Variants in LYPLAL1 observed in about 807,000 individuals in gnomAD.
LYPLAL1 encodes the protein lysophospholipase-like protein 1.
In LYPLAL1, 23 loss-of-function variants were observed where a neutral mutation model predicts 19.7. The observed-to-expected ratio is 1.17, with a 90% CI of 0.84 to 1.65. The LOEUF is 1.65. Ranked by LOEUF, LYPLAL1 falls within the 40% of genes most tolerant of loss-of-function variation. LYPLAL1 has a pLI of 0.00. For synonymous variants in LYPLAL1, 119 were observed against 96.3 expected (o/e 1.24, Z -1.38); for missense variants, 355 against 279.4 (o/e 1.27, Z -1.93).
chr1:219,372,116 T>C, the LYPLAL1 span, among the ~76,000 whole-genome samples: 1 of 152,130 alleles, frequency 6.6e-6, no homozygotes, highest in Admixed American at 6.5e-5. Flanking sequence ...TCACCTCACA[T>C]AGAAAATTTT....
chr1:219,174,186 G>A (rs1655610420), intron 1 of LYPLAL1: 3 of 1,418,772 alleles, frequency 2.1e-6, no homozygotes, highest in Non-Finnish European at 2.8e-6. Flanking sequence ...TCTATCGGGC[G>A]GTCACTGGTC....
At chr1:219,436,845 G>A in the LYPLAL1 span, among the ~76,000 whole-genome samples, 1 of 151,846 alleles carries the variant, frequency 6.6e-6, no homozygotes, top group Non-Finnish European at 1.5e-5. Flanking sequence ...GAACTTCTAG[G>A]GAGTCAAAAC....
At chr1:219,185,861 G>C (rs534299833) in intron 2 of LYPLAL1, among the ~76,000 whole-genome samples, 1 of 152,024 alleles carries the variant, frequency 6.6e-6, no homozygotes, top group African/African-American at 2.4e-5. Context: ...AAGAGAACCA[G>C]ACCTAAAGAC....
chr1:219,207,574 G>C (rs185428590), intron 3 of LYPLAL1, among the ~76,000 whole-genome samples: 1 of 152,010 alleles, frequency 6.6e-6, no homozygotes, highest in Non-Finnish European at 1.5e-5. Context: ...TTGTTCATTT[G>C]TTTAATAAGT....
the LYPLAL1 span, among the ~76,000 whole-genome samples, chr1:219,285,870 T>C: frequency 1.3e-5 from 2 of 152,198 alleles, no homozygotes. Context: ...CAATTTTACA[T>C]TGTAATATGT....
At chr1:219,408,557 T>TA in the LYPLAL1 span, among the ~76,000 whole-genome samples, 1 of 152,124 alleles carries the variant, frequency 6.6e-6, no homozygotes, top group Non-Finnish European at 1.5e-5. Context: ...AGTGGAGTGT[T>TA]TTATAAATAT....
the LYPLAL1 span, among the ~76,000 whole-genome samples, chr1:219,219,439 A>T: frequency 6.6e-6 from 1 of 152,218 alleles, no homozygotes; most frequent in Non-Finnish European, 1.5e-5. Flanking sequence ...AACACTTGTT[A>T]GGCCACCTCA....
At chr1:219,327,249 G>A in the LYPLAL1 span, among the ~76,000 whole-genome samples, 2 of 152,178 alleles carry the variant, frequency 1.3e-5, no homozygotes, top group African/African-American at 2.4e-5. Flanking sequence ...TGGGGTTATG[G>A]TGGAGAGCTG....
At chr1:219,321,649 C>G in the LYPLAL1 span, among the ~76,000 whole-genome samples, 1 of 152,002 alleles carries the variant, frequency 6.6e-6, no homozygotes, top group Non-Finnish European at 1.5e-5. Context: ...ATTTTAGTAG[C>G]ATGAAGACCC....
the LYPLAL1 span, among the ~76,000 whole-genome samples, chr1:219,376,020 C>T: frequency 3.3e-5 from 5 of 151,960 alleles, no homozygotes; most frequent in African/African-American, 1.2e-4. Context: ...GGATTACAGC[C>T]GTGAGCCACT....
At chr1:219,368,322 A>G in the LYPLAL1 span, among the ~76,000 whole-genome samples, 1 of 152,170 alleles carries the variant, frequency 6.6e-6, no homozygotes, top group Non-Finnish European at 1.5e-5. Context: ...GTGTAGAGAC[A>G]GGTAGTTTCT....
At chr1:219,392,093 C>T in the LYPLAL1 span, among the ~76,000 whole-genome samples, 1 of 152,140 alleles carries the variant, frequency 6.6e-6, no homozygotes, top group African/African-American at 2.4e-5. Context: ...AAAAGCATCT[C>T]AGACTCCCCT....
the LYPLAL1 span, among the ~76,000 whole-genome samples, chr1:219,276,080 T>C: frequency 6.6e-6 from 1 of 152,188 alleles, no homozygotes; most frequent in Non-Finnish European, 1.5e-5. Flanking sequence ...TTACTGCAGC[T>C]CCCTCTGCTT....
chr1:219,252,904 G>T, the LYPLAL1 span, among the ~76,000 whole-genome samples: 3 of 151,950 alleles, frequency 2.0e-5, no homozygotes, highest in East Asian at 5.8e-4. Flanking sequence ...TTGTGAATCC[G>T]TCAGGTCCCA....
chr1:219,343,684 T>C, the LYPLAL1 span, among the ~76,000 whole-genome samples: 1 of 152,194 alleles, frequency 6.6e-6, no homozygotes, highest in Non-Finnish European at 1.5e-5. Flanking sequence ...TTTCTCACTA[T>C]AGGATGCAAA....
the LYPLAL1 span, chr1:219,435,228 G>C: frequency 6.6e-6 from 1 of 152,180 alleles, no homozygotes; most frequent in Non-Finnish European, 1.5e-5. Context: ...AGACAGTAAA[G>C]AGATTTAAAA....
intron 2 of LYPLAL1, among the ~76,000 whole-genome samples, chr1:219,189,817 T>A (rs182424987): frequency 5.3e-5 from 8 of 151,772 alleles, no homozygotes; most frequent in Admixed American, 2.0e-4. Context: ...AAGGATTTTT[T>A]AAGGATAATT....
the LYPLAL1 span, among the ~76,000 whole-genome samples, chr1:219,408,246 G>A: frequency 1.3e-5 from 2 of 152,194 alleles, 1 homozygote; most frequent in South Asian, 4.1e-4. Flanking sequence ...TCTCTGTGAT[G>A]TTGAGAGCAA....
At chr1:219,196,479 T>C (rs1657610288) in intron 3 of LYPLAL1, among the ~76,000 whole-genome samples, 2 of 152,112 alleles carry the variant, frequency 1.3e-5, no homozygotes, top group South Asian at 4.1e-4. Context: ...TTTGGCTGCA[T>C]AAGTGTATTC....
Sources: gnomAD v4.1 joint callset for allele counts (sites outside exome capture counted in the v4.1 genomes callset) on GRCh38, gnomAD v4.1.1 for gene constraint, MANE v1.5 for transcripts, NCBI Gene and HGNC (gene_info 2026-07-23, HGNC 2026-07-21) for gene names.